Variants in DLG2 observed in about 807,000 individuals in gnomAD.
The protein encoded by DLG2 is discs large MAGUK scaffold protein 2.
In DLG2, 45 loss-of-function variants were observed where a neutral mutation model predicts 132.5. The ratio of observed to expected loss-of-function variants is 0.34; its 90% CI spans 0.27 to 0.44. DLG2 has a LOEUF of 0.44. DLG2 is among the 20% of genes least tolerant of loss of function. The pLI is 1.00. For missense variants in DLG2, 1,045 were observed against 1,196.9 expected (o/e 0.87, Z 1.87); for synonymous variants, 424 against 419.6 (o/e 1.01, Z -0.13).
intron 6 of DLG2, among the ~76,000 whole-genome samples, chr11:84,588,247 A>G (rs1011086326): frequency 6.6e-5 from 10 of 152,204 alleles, no homozygotes; most frequent in African/African-American, 2.4e-4. Flanking sequence ...TCCGCAATCC[A>G]TGCTGTCTCC....
At chr11:84,284,483 A>G (rs1044313105) in intron 7 of DLG2, among the ~76,000 whole-genome samples, 2 of 152,250 alleles carry the variant, frequency 1.3e-5, no homozygotes, top group Non-Finnish European at 2.9e-5. Context: ...TCCTACACAC[A>G]CTGCAGAGTC....
intron 6 of DLG2, among the ~76,000 whole-genome samples, chr11:84,562,884 T>A (rs570910024): frequency 6.6e-6 from 1 of 151,934 alleles, no homozygotes; most frequent in Non-Finnish European, 1.5e-5. Context: ...TCCAAAATAG[T>A]TGGGACTACA....
At chr11:85,010,776 G>A (rs1381163402) in intron 6 of DLG2, among the ~76,000 whole-genome samples, 1 of 151,890 alleles carries the variant, frequency 6.6e-6, no homozygotes, top group Non-Finnish European at 1.5e-5. Flanking sequence ...ATAATTTAAA[G>A]TTGCATTGAA....
At chr11:85,539,190 C>T (rs1286310373) in intron 3 of DLG2, among the ~76,000 whole-genome samples, 1 of 151,720 alleles carries the variant, frequency 6.6e-6, no homozygotes, top group Admixed American at 6.6e-5. Context: ...TAGATCATTC[C>T]CTTTTTTTAT....
chr11:85,303,090 A>G (rs1452746401), intron 3 of DLG2, among the ~76,000 whole-genome samples: 2 of 152,166 alleles, frequency 1.3e-5, no homozygotes, highest in South Asian at 2.1e-4. Flanking sequence ...GTTAGAGCTT[A>G]TTTTATGTTT....
intron 9 of DLG2, among the ~76,000 whole-genome samples, chr11:84,103,219 C>T (rs2092667377): frequency 6.6e-6 from 1 of 152,134 alleles, no homozygotes; most frequent in Non-Finnish European, 1.5e-5. Context: ...GTCTTTGCTA[C>T]CAGCCAGCAG....
intron 6 of DLG2, among the ~76,000 whole-genome samples, chr11:84,935,714 G>A (rs2048661492): frequency 6.6e-6 from 1 of 152,144 alleles, no homozygotes; most frequent in Admixed American, 6.5e-5. Flanking sequence ...ATGCATAGGA[G>A]AGCATATCAT....
chr11:83,694,791 C>T (rs987179938), intron 18 of DLG2, among the ~76,000 whole-genome samples: 2 of 152,180 alleles, frequency 1.3e-5, no homozygotes, highest in Non-Finnish European at 2.9e-5. Flanking sequence ...GGTTTAACAA[C>T]GGAGCTGGAA....
intron 16 of DLG2, among the ~76,000 whole-genome samples, chr11:83,868,796 C>T (rs1313667176): frequency 6.6e-6 from 1 of 152,098 alleles, no homozygotes; most frequent in East Asian, 1.9e-4. Flanking sequence ...GTCAACTCCT[C>T]CCTGTCCCCA....
At chr11:85,129,270 C>T (rs1485620448) in intron 5 of DLG2, among the ~76,000 whole-genome samples, 3 of 152,182 alleles carry the variant, frequency 2.0e-5, no homozygotes, top group Non-Finnish European at 4.4e-5. Context: ...TTTATGAATA[C>T]TCTGATGATT....
chr11:84,513,326 A>G (rs962402147), intron 7 of DLG2, among the ~76,000 whole-genome samples: 3 of 152,074 alleles, frequency 2.0e-5, no homozygotes, highest in African/African-American at 7.2e-5. Flanking sequence ...AGAAATAGAA[A>G]AAAGACAATC....
chr11:85,328,687 T>C (rs1596287146), intron 3 of DLG2, among the ~76,000 whole-genome samples: 1 of 151,118 alleles, frequency 6.6e-6, no homozygotes, highest in Non-Finnish European at 1.5e-5. Context: ...GGGCAAAAAC[T>C]GGAAGCATTC....
intron 20 of DLG2, among the ~76,000 whole-genome samples, chr11:83,538,451 T>C (rs181610913): frequency 6.6e-6 from 1 of 152,216 alleles, no homozygotes; most frequent in Non-Finnish European, 1.5e-5. Flanking sequence ...CACTGTAATT[T>C]TGGCAAGCTA....
chr11:84,163,557 G>C, intron 8 of DLG2, 46 bp from the exon 9 acceptor site: 1 of 1,490,552 alleles, frequency 6.7e-7, no homozygotes. Context: ...AATACATGTT[G>C]AGGAGGAGAC....
chr11:84,624,309 C>T (rs79865097), intron 6 of DLG2, among the ~76,000 whole-genome samples: 3,093 of 152,192 alleles, frequency 0.02, 103 homozygotes, highest in African/African-American at 0.069. Flanking sequence ...ATTACTCCCA[C>T]GATCACTAAC....
At chr11:85,266,267 C>A (rs185399957) in intron 4 of DLG2, among the ~76,000 whole-genome samples, 140 of 152,338 alleles carry the variant, frequency 9.2e-4, no homozygotes, top group African/African-American at 3.2e-3. Context: ...TGATCCCTCC[C>A]ATGTGCGGTG....
At chr11:84,478,722 T>C (rs183592663) in intron 7 of DLG2, among the ~76,000 whole-genome samples, 1 of 152,076 alleles carries the variant, frequency 6.6e-6, no homozygotes, top group Non-Finnish European at 1.5e-5. Context: ...GAATGGTCTT[T>C]AAAACACAGT....
intron 7 of DLG2, among the ~76,000 whole-genome samples, chr11:84,324,021 CTCTT>C (rs2098418744): frequency 6.6e-6 from 1 of 152,038 alleles, no homozygotes; most frequent in African/African-American, 2.4e-5. Context: ...CCTTTTCACT[CTCTT>C]TATCGTTTCT....
intron 6 of DLG2, among the ~76,000 whole-genome samples, chr11:84,717,668 T>C (rs1441390605): frequency 6.6e-6 from 1 of 152,080 alleles, no homozygotes; most frequent in East Asian, 1.9e-4. Context: ...TAATGATTGA[T>C]TTCTTAATAA....
Sources: gnomAD v4.1 joint callset for allele counts (sites outside exome capture counted in the v4.1 genomes callset) on GRCh38, gnomAD v4.1.1 for gene constraint, MANE v1.5 for transcripts, NCBI Gene and HGNC (gene_info 2026-07-23, HGNC 2026-07-21) for gene names.